Variants in FARS2 observed in about 807,000 individuals in gnomAD.
FARS2 encodes the protein phenylalanine--tRNA ligase, mitochondrial.
Under a neutral mutation model 46.4 loss-of-function variants are expected in FARS2, and 40 were observed. The ratio of observed to expected loss-of-function variants is 0.86; its 90% CI spans 0.67 to 1.12. The LOEUF (loss-of-function observed/expected upper bound fraction) is 1.12, where lower values mean the gene tolerates loss of function less well. Ranked by LOEUF, FARS2 falls within the 50% of genes most tolerant of loss-of-function variation. FARS2 has a pLI of 0.00. For synonymous variants in FARS2, 234 were observed against 214.9 expected, an observed-to-expected ratio of 1.09 and a Z score of -0.78; for missense variants, 513 against 567.9, an observed-to-expected ratio of 0.90 and a Z score of 0.98.
intron 2 of FARS2, among the ~76,000 whole-genome samples, chr6:5,403,364 A>G (rs908786937): frequency 4.6e-5 from 7 of 152,032 alleles, no homozygotes; most frequent in South Asian, 2.1e-4. Context: ...AGGGACTCAA[A>G]CACCCCAGCT....
intron 6 of FARS2, among the ~76,000 whole-genome samples, chr6:5,685,182 A>G (rs1304132621): frequency 1.3e-5 from 2 of 152,190 alleles, no homozygotes; most frequent in Admixed American, 1.3e-4. Flanking sequence ...TGGGGCCAGA[A>G]CCAATCAATA....
chr6:5,647,598 C>G (rs1329310298), intron 6 of FARS2, among the ~76,000 whole-genome samples: 1 of 152,190 alleles, frequency 6.6e-6, no homozygotes, highest in African/African-American at 2.4e-5. Flanking sequence ...CTTATTCTGT[C>G]AAACTCACCC....
intron 4 of FARS2, among the ~76,000 whole-genome samples, chr6:5,486,911 A>G (rs1182632683): frequency 6.6e-6 from 1 of 152,172 alleles, no homozygotes; most frequent in Non-Finnish European, 1.5e-5. Context: ...ATCTCAAATG[A>G]ATCTTTGATC....
intron 2 of FARS2, among the ~76,000 whole-genome samples, chr6:5,383,980 C>T (rs1038520586): frequency 2.0e-5 from 3 of 151,990 alleles, no homozygotes; most frequent in Admixed American, 6.5e-5. Context: ...TCATCATGGC[C>T]CAGGAAGAAG....
chr6:5,338,840 A>C (rs1204432321), intron 1 of FARS2, among the ~76,000 whole-genome samples: 1 of 152,174 alleles, frequency 6.6e-6, no homozygotes, highest in Non-Finnish European at 1.5e-5. Flanking sequence ...TTTGGTGCTC[A>C]GTGCCTTGGA....
At chr6:5,598,260 G>A (rs968786488) in intron 5 of FARS2, among the ~76,000 whole-genome samples, 2 of 152,272 alleles carry the variant, frequency 1.3e-5, no homozygotes, top group Non-Finnish European at 2.9e-5. Flanking sequence ...GTACCTGCCT[G>A]TAGTTCCCGC....
At chr6:5,318,387 C>CAAAAAAAAAAAAAA (rs753113504) in intron 1 of FARS2, among the ~76,000 whole-genome samples, 1 of 77,196 alleles carries the variant, frequency 1.3e-5, no homozygotes, top group African/African-American at 4.7e-5. Context: ...AAAAAAAAAC[C>CAAAAAAAAAAAAAA]AAAAAAAAAA....
chr6:5,355,374 GTTTTT>G (rs796768184), intron 1 of FARS2, among the ~76,000 whole-genome samples: 1 of 131,686 alleles, frequency 7.6e-6, no homozygotes, highest in African/African-American at 2.8e-5. Context: ...TTTCCTTTTT[GTTTTT>G]TTTTTTTTTT....
At chr6:5,614,390 C>G (rs1205749006) in intron 6 of FARS2, among the ~76,000 whole-genome samples, 2 of 151,686 alleles carry the variant, frequency 1.3e-5, no homozygotes, top group African/African-American at 4.8e-5. Context: ...CATTCAGACT[C>G]CCACCTGTTT....
intron 1 of FARS2, among the ~76,000 whole-genome samples, chr6:5,307,285 GT>G (rs1177050034): frequency 1.3e-5 from 2 of 152,158 alleles, no homozygotes; most frequent in Non-Finnish European, 2.9e-5. Flanking sequence ...TGAGTTGGCT[GT>G]CTCTTCACTC....
chr6:5,253,421 T>G, the FARS2 span, among the ~76,000 whole-genome samples: 1 of 151,312 alleles, frequency 6.6e-6, no homozygotes, highest in African/African-American at 2.5e-5. Context: ...TAATGGGCAA[T>G]TCTCAGTTTT....
At chr6:5,487,465 A>G (rs1257889842) in intron 4 of FARS2, among the ~76,000 whole-genome samples, 1 of 152,132 alleles carries the variant, frequency 6.6e-6, no homozygotes, top group Non-Finnish European at 1.5e-5. Context: ...TCAAAAACAT[A>G]CCTCAATGAT....
At chr6:5,552,115 G>A (rs1208813894) in intron 5 of FARS2, among the ~76,000 whole-genome samples, 1 of 152,148 alleles carries the variant, frequency 6.6e-6, no homozygotes, top group Non-Finnish European at 1.5e-5. Flanking sequence ...ATATAATAGA[G>A]TGGTTTGTCT....
intron 6 of FARS2, among the ~76,000 whole-genome samples, chr6:5,748,644 G>C (rs1761771608): frequency 6.6e-6 from 1 of 152,238 alleles, no homozygotes; most frequent in African/African-American, 2.4e-5. Flanking sequence ...GCCGAGAGAG[G>C]CTGAGTAACT....
At chr6:5,252,608 G>A in the FARS2 span, among the ~76,000 whole-genome samples, 1 of 152,118 alleles carries the variant, frequency 6.6e-6, no homozygotes, top group Non-Finnish European at 1.5e-5. Context: ...TCTCTCTGCT[G>A]TCTTTTCACT....
the FARS2 span, among the ~76,000 whole-genome samples, chr6:5,250,282 T>A: frequency 9.9e-5 from 15 of 152,218 alleles, no homozygotes; most frequent in African/African-American, 3.6e-4. Context: ...TAAGTGCAAT[T>A]TAGAAACTCT....
intron 6 of FARS2, among the ~76,000 whole-genome samples, chr6:5,679,500 C>T (rs114846595): frequency 0.039 from 5,943 of 152,272 alleles, 149 homozygotes; most frequent in Non-Finnish European, 0.061. Flanking sequence ...CAAGACCCTC[C>T]TCCATCACCC....
At chr6:5,339,622 A>G (rs1771411863) in intron 1 of FARS2, among the ~76,000 whole-genome samples, 2 of 151,830 alleles carry the variant, frequency 1.3e-5, no homozygotes. Context: ...TTTTGTAGAG[A>G]TGGTGTCTCG....
chr6:5,520,665 A>G (rs986909605), intron 4 of FARS2, among the ~76,000 whole-genome samples: 7 of 152,178 alleles, frequency 4.6e-5, no homozygotes, highest in African/African-American at 1.4e-4. Flanking sequence ...TTCATTGTCA[A>G]ACTGACACAT....
Sources: gnomAD v4.1 joint callset for allele counts (sites outside exome capture counted in the v4.1 genomes callset) on GRCh38, gnomAD v4.1.1 for gene constraint, MANE v1.5 for transcripts, NCBI Gene and HGNC (gene_info 2026-07-23, HGNC 2026-07-21) for gene names.